The following SYNE2 variants were observed in gnomAD, a reference collection of about 807,000 sequenced individuals.
SYNE2 encodes spectrin repeat containing nuclear envelope protein 2, also known as nesprin-2.
Under a neutral mutation model 856.3 loss-of-function variants are expected in SYNE2, and 431 were observed. The observed-to-expected ratio is 0.50, with a 90% confidence interval of 0.47 to 0.55. The LOEUF is 0.55. SYNE2 is among the 20% of genes least tolerant of loss of function. The pLI, the probability that SYNE2 is intolerant of heterozygous loss-of-function variation, is 0.00. For synonymous variants in SYNE2, 2,923 were observed against 2,872.3 expected (o/e 1.02, Z -0.56); for missense variants, 8,129 against 8,023.2 (o/e 1.01, Z -0.50).
At chr14:64,214,987 G>T (rs929111623) in intron 106 of SYNE2, among the ~76,000 whole-genome samples, 1 of 151,996 alleles carries the variant, frequency 6.6e-6, no homozygotes, top group Non-Finnish European at 1.5e-5. Flanking sequence ...AAGTCCTCCC[G>T]CCTCAGCCTC....
intron 45 of SYNE2, among the ~76,000 whole-genome samples, chr14:64,047,399 AG>A: frequency 6.6e-6 from 1 of 152,318 alleles, no homozygotes; most frequent in South Asian, 2.1e-4. Flanking sequence ...TATGTAAAAT[AG>A]GGGAAGGGTG....
chr14:64,081,241 T>A (rs139995548), intron 56 of SYNE2, among the ~76,000 whole-genome samples: 1 of 152,348 alleles, frequency 6.6e-6, no homozygotes, highest in African/African-American at 2.4e-5. Flanking sequence ...GATTAAATCC[T>A]TTCCACCTAT....
intron 1 of SYNE2, among the ~76,000 whole-genome samples, chr14:63,853,779 C>T (rs1445751676): frequency 1.3e-5 from 2 of 150,238 alleles, no homozygotes; most frequent in East Asian, 4.0e-4. Context: ...CTAGCGCCTC[C>T]GCGGGGGCGG....
rs10138253 is a variant in SYNE2 at position 64,053,698 on chromosome 14, G to A, written c.9744+41G>A. Reference sequence around the variant, plus strand: ...TATGCAGTTAGTGGCTGGGTGCGGGGGCTCACGCCTGTAATCCCAGCATTT... The same window carrying A: ...TATGCAGTTAGTGGCTGGGTGCGGGAGCTCACGCCTGTAATCCCAGCATTT... On this transcript the variant is annotated intron_variant, in intron 48 of 115. Coordinates refer to ENST00000555002, the MANE Select transcript of SYNE2 (RefSeq NM_182914.3). 1,342,895 of 1,598,254 alleles carry A rather than the reference G, an allele frequency of 0.84. 572,354 individuals carry two copies. Among genetic ancestry groups the A allele is most frequent in the Non-Finnish European group, 0.88 (1,025,920 of 1,170,744 alleles).
At chr14:63,805,626 C>T (rs1197310766) in intron 1 of SYNE2, among the ~76,000 whole-genome samples, 4 of 114,896 alleles carry the variant, frequency 3.5e-5, no homozygotes, top group African/African-American at 8.9e-5. Context: ...CCGCCCGCCT[C>T]GGCCTTCCAA....
intron 45 of SYNE2, among the ~76,000 whole-genome samples, chr14:64,036,361 A>G (rs2097090480): frequency 1.3e-5 from 2 of 152,102 alleles, no homozygotes; most frequent in Admixed American, 1.3e-4. Flanking sequence ...ATCTTGGCTC[A>G]CTGCAACCTC....
At chr14:64,084,834 T>A (rs1595410291) in intron 57 of SYNE2, 1 of 629,348 alleles carries the variant, frequency 1.6e-6, no homozygotes, top group Non-Finnish European at 2.9e-6. Context: ...CTCATGAGAA[T>A]GCGGTCAAGG....
intron 77 of SYNE2, among the ~76,000 whole-genome samples, chr14:64,133,319 T>G (rs1396053862): frequency 1.3e-5 from 2 of 152,216 alleles, no homozygotes; most frequent in Non-Finnish European, 2.9e-5. Context: ...ATATTTATAA[T>G]ATGTCATGGT....
chr14:64,000,410 C>G, intron 27 of SYNE2, 152 bp from the exon 28 acceptor site: 2 of 688,628 alleles, frequency 2.9e-6, no homozygotes, highest in Non-Finnish European at 5.0e-6. Context: ...GGATAGTTCA[C>G]TTGTAGGTGG....
At chr14:64,199,384 C>T (rs937202899) in intron 99 of SYNE2, among the ~76,000 whole-genome samples, 15 of 152,152 alleles carry the variant, frequency 9.9e-5, no homozygotes, top group African/African-American at 3.4e-4. Flanking sequence ...CTCTGTGCCT[C>T]GGTTTCCTCA....
chr14:64,121,862 A>C (rs548656455), intron 68 of SYNE2, 150 bp from the exon 69 acceptor site: 2 of 1,040,480 alleles, frequency 1.9e-6, no homozygotes, highest in East Asian at 4.8e-5. Flanking sequence ...GGGAAGTGAG[A>C]GTTTACAAGA....
At chr14:64,117,252 A>G (rs983732595) in intron 66 of SYNE2, among the ~76,000 whole-genome samples, 1 of 152,198 alleles carries the variant, frequency 6.6e-6, no homozygotes, top group Non-Finnish European at 1.5e-5. Flanking sequence ...ATAATGAGAT[A>G]TCTTAGAGAG....
In SYNE2 at chr14:64,168,868, C is replaced by T. The variant is rs373193454; in HGVS notation, c.16906-9C>T. 3 of 1,594,278 alleles carry T rather than the reference C, an allele frequency of 1.9e-6. No individual in the cohort carries two copies. The highest frequency in any genetic ancestry group is 2.6e-6 in the Non-Finnish European group (3 of 1,162,162). ...CTAGCTGATATTTTCTGCTTGGACT[C>T]ATATACAGATGTTAGAAGCTGAAGT... is the stretch of plus-strand genomic sequence containing the variant. On this transcript the variant is annotated splice_polypyrimidine_tract_variant and intron_variant, in intron 92 of 115. Coordinates refer to ENST00000555002, the MANE Select transcript of SYNE2 (RefSeq NM_182914.3).
chr14:64,050,602 A>G (rs1444088271), intron 47 of SYNE2, among the ~76,000 whole-genome samples: 1 of 152,224 alleles, frequency 6.6e-6, no homozygotes, highest in Non-Finnish European at 1.5e-5. Context: ...AGTTTGGTAT[A>G]TATTGAATAT....
At chr14:64,113,215 T>C in intron 65 of SYNE2, 126 bp from the exon 66 acceptor site, 2 of 1,543,314 alleles carry the variant, frequency 1.3e-6, no homozygotes, top group Non-Finnish European at 8.7e-7. Context: ...ATTTCTCTTT[T>C]CTTTCTTCCT....
At position 64,089,832 on chromosome 14, in the gene SYNE2, A is replaced by T. The variant is rs73279537; in HGVS notation, c.11793+136A>T. On this transcript the variant is annotated intron_variant, in intron 59 of 115. Coordinates refer to ENST00000555002, the MANE Select transcript of SYNE2 (RefSeq NM_182914.3). ...AAAATAAGGTTGGGAAATTGATGGGAATAACTATAACTGTATATTTAAATC... is the reference window on the plus strand; with the variant it reads ...AAAATAAGGTTGGGAAATTGATGGGTATAACTATAACTGTATATTTAAATC... 4.1e-4 allele frequency: 283 copies of T among 689,870 alleles called. No individual in the cohort carries two copies. In the African/African-American group the frequency reaches 4.6e-3, roughly 11 times the overall value. 42.7% of individuals were successfully genotyped at this position (689,870 alleles called of 1,614,324 possible).
chr14:64,174,879 G>A, intron 94 of SYNE2, 65 bp from the exon 95 acceptor site: 1 of 1,442,952 alleles, frequency 6.9e-7, no homozygotes, highest in African/African-American at 1.4e-5. Context: ...ATATACACAG[G>A]CACACACAAT....
In SYNE2 at chr14:63,954,778, TG is replaced by T; in HGVS notation, c.652del (p.Ala218ProfsTer10). 1 of 1,614,124 alleles carries T rather than the reference TG, an allele frequency of 6.2e-7. No homozygotes were observed. Among genetic ancestry groups the T allele is most frequent in the Non-Finnish European group, 8.5e-7 (1 of 1,180,008 alleles). On this transcript the variant is annotated frameshift_variant, in exon 8 of 116. Coordinates refer to ENST00000555002, the MANE Select transcript of SYNE2 (RefSeq NM_182914.3). LOFTEE classifies it high-confidence loss of function. ...KSSWRNGMAF[L>X]AIIHALRPDL... ...AGTTGGAGAAATGGGATGGCTTTTTTGGCCATCATTCATGCCTTGCGACCAG... is the reference window on the plus strand; with the variant it reads ...AGTTGGAGAAATGGGATGGCTTTTTTGCCATCATTCATGCCTTGCGACCAG...
intron 83 of SYNE2, 73 bp from the exon 84 acceptor site, chr14:64,145,993 TAA>T: frequency 9.0e-7 from 1 of 1,115,962 alleles, no homozygotes. Flanking sequence ...AATTGTTTTT[TAA>T]AAAATAACGT....
Sources: allele counts gnomAD v4.1 joint callset (sites outside exome capture counted in the v4.1 genomes callset), GRCh38; gene constraint gnomAD v4.1.1; transcripts MANE v1.5; gene names NCBI Gene and HGNC (gene_info 2026-07-23, HGNC 2026-07-21).